Variants in GSK3B observed in about 807,000 individuals in gnomAD.
GSK3B encodes the protein glycogen synthase kinase 3 beta, also known as glycogen synthase kinase-3 beta.
Under a neutral mutation model 56.4 loss-of-function variants are expected in GSK3B, and 15 were observed. The ratio of observed to expected loss-of-function variants is 0.27; its 90% confidence interval spans 0.18 to 0.41. GSK3B has a LOEUF of 0.41. GSK3B is among the 10% of genes least tolerant of loss of function. The probability of loss-of-function intolerance (pLI) is 1.00; values close to 1 mark genes in which losing one functional copy is unlikely to be tolerated. For synonymous variants in GSK3B, 181 were observed against 188.9 expected, an observed-to-expected ratio of 0.96 and a Z score of 0.34; for missense variants, 300 against 513.4, an observed-to-expected ratio of 0.58 and a Z score of 4.02.
At chr3:120,047,883 C>T (rs1366185103) in intron 1 of GSK3B, among the ~76,000 whole-genome samples, 3 of 152,150 alleles carry the variant, frequency 2.0e-5, no homozygotes, top group Non-Finnish European at 2.9e-5. Flanking sequence ...GTTGTATTCA[C>T]TGAGCAGTAC....
At chr3:119,980,194 A>G (rs2057447003) in intron 2 of GSK3B, among the ~76,000 whole-genome samples, 1 of 152,216 alleles carries the variant, frequency 6.6e-6, no homozygotes, top group Admixed American at 6.5e-5. Flanking sequence ...TTACTGGTAC[A>G]CTAAAGTTAG....
chr3:119,955,739 C>T (rs549515438), intron 2 of GSK3B, among the ~76,000 whole-genome samples: 28 of 152,122 alleles, frequency 1.8e-4, no homozygotes, highest in South Asian at 4.2e-4. Context: ...CTGCAACCTC[C>T]GCCTCCTGGG....
rs137974547 is a variant in GSK3B at position 119,984,581 on chromosome 3, A to G, written c.282+17465T>C. 9.8e-5 allele frequency among the ~76,000 whole-genome samples: 15 copies of G among 152,338 alleles called. No individual in the cohort carries two copies. The East Asian group carries it at 2.7e-3, about 27-fold the overall frequency. On this transcript the variant is annotated intron_variant, in intron 2 of 10. Transcript: ENST00000264235. ...ACAAACTACCATCAGAGAATACTAT[A>G]AACACCTCTATGCAAATAAACTAGA...
intron 7 of GSK3B, among the ~76,000 whole-genome samples, chr3:119,895,236 T>C (rs1005463178): frequency 1.3e-5 from 2 of 152,178 alleles, no homozygotes; most frequent in Non-Finnish European, 2.9e-5. Flanking sequence ...TTCACCCATG[T>C]TGTCACAAAC....
At chr3:119,944,561 G>A (rs1220913436) in intron 3 of GSK3B, among the ~76,000 whole-genome samples, 2 of 151,994 alleles carry the variant, frequency 1.3e-5, no homozygotes, top group African/African-American at 2.4e-5. Context: ...TTGCCAAACC[G>A]CTGATTTTTC....
At chr3:120,029,515 G>C (rs2057957575) in intron 1 of GSK3B, 1 of 633,360 alleles carries the variant, frequency 1.6e-6, no homozygotes. Flanking sequence ...AGTTATGTGT[G>C]TAAAGTTGCC....
At chr3:119,940,912 T>C (rs751608910) in intron 3 of GSK3B, among the ~76,000 whole-genome samples, 5 of 152,166 alleles carry the variant, frequency 3.3e-5, no homozygotes, top group Non-Finnish European at 7.3e-5. Flanking sequence ...AATGAGTAAA[T>C]ATAAGTAATG....
At chr3:119,971,900 C>T (rs1485551883) in intron 2 of GSK3B, among the ~76,000 whole-genome samples, 1 of 151,948 alleles carries the variant, frequency 6.6e-6, no homozygotes, top group African/African-American at 2.4e-5. Flanking sequence ...CGTGAGCCAC[C>T]GCGCCCGGCC....
At chr3:119,908,880 A>C (rs1700447671) in intron 6 of GSK3B, among the ~76,000 whole-genome samples, 1 of 152,220 alleles carries the variant, frequency 6.6e-6, no homozygotes, top group South Asian at 2.1e-4. Context: ...AGAAATCAAA[A>C]TGTGCTTTGG....
At chr3:120,093,155 G>C (rs1405846845) in intron 1 of GSK3B, among the ~76,000 whole-genome samples, 192 bp downstream of exon 1, 1 of 152,150 alleles carries the variant, frequency 6.6e-6, no homozygotes, top group African/African-American at 2.4e-5. Flanking sequence ...CTCAATTCAA[G>C]GTTAATGAGA....
chr3:120,001,159 C>T (rs1432616245), intron 2 of GSK3B, among the ~76,000 whole-genome samples: 2 of 1,728 alleles, frequency 1.2e-3, no homozygotes, highest in Admixed American at 0.011. Flanking sequence ...GGGTCAACCA[C>T]TCATGAATGG....
At chr3:120,092,607 A>C (rs2058522534) in intron 1 of GSK3B, among the ~76,000 whole-genome samples, 1 of 152,262 alleles carries the variant, frequency 6.6e-6, no homozygotes, top group Non-Finnish European at 1.5e-5. Flanking sequence ...TTTTGATTAA[A>C]CATAAATTAT....
chr3:120,000,448 A>C (rs1411484173), intron 2 of GSK3B, among the ~76,000 whole-genome samples: 1 of 152,240 alleles, frequency 6.6e-6, no homozygotes, highest in Non-Finnish European at 1.5e-5. Flanking sequence ...AAAATTCTTT[A>C]GAATGTTCCA....
chr3:119,977,323 T>G (rs2057417425), intron 2 of GSK3B, among the ~76,000 whole-genome samples: 1 of 152,106 alleles, frequency 6.6e-6, no homozygotes, highest in South Asian at 2.1e-4. Context: ...TTATCAATGG[T>G]CCCAACTGCT....
At chr3:120,029,337 G>T in intron 1 of GSK3B, 1 of 743,582 alleles carries the variant, frequency 1.3e-6, no homozygotes, top group Non-Finnish European at 2.5e-6. Flanking sequence ...ATCTAATCCA[G>T]CCTCAAAAGC....
intron 3 of GSK3B, among the ~76,000 whole-genome samples, chr3:119,927,560 CA>C (rs1559840183): frequency 6.6e-6 from 1 of 152,104 alleles, no homozygotes. Flanking sequence ...ACACAGAAAG[CA>C]AAAACAGTAG....
In GSK3B at chr3:120,000,640, G is replaced by A. The variant is rs535624570; in HGVS notation, c.282+1406C>T. Among the ~76,000 whole-genome samples, 18 of 152,130 alleles carry A rather than the reference G, an allele frequency of 1.2e-4. No homozygotes were observed. The East Asian group carries it at 3.5e-3, about 29-fold the overall frequency. ...GGAGCAACGCTGCATAGTGACAGAGGCTTAATTACACCCGGTGTCTTCTGA... is the reference window on the plus strand; with the variant it reads ...GGAGCAACGCTGCATAGTGACAGAGACTTAATTACACCCGGTGTCTTCTGA... On this transcript the variant is annotated intron_variant, in intron 2 of 10. Transcript: ENST00000264235.
chr3:119,924,870 T>C (rs988513812), intron 3 of GSK3B, among the ~76,000 whole-genome samples: 1 of 152,192 alleles, frequency 6.6e-6, no homozygotes, highest in Non-Finnish European at 1.5e-5. Context: ...AGAGACTAGA[T>C]AGCCCACAAA....
At chr3:119,853,950 C>T (rs534389797) in intron 9 of GSK3B, among the ~76,000 whole-genome samples, 6 of 152,248 alleles carry the variant, frequency 3.9e-5, no homozygotes, top group East Asian at 1.9e-4. Context: ...GAACTTCCAA[C>T]GCTATGTTGA....
Sources: gnomAD v4.1 joint callset for allele counts (sites outside exome capture counted in the v4.1 genomes callset) on GRCh38, gnomAD v4.1.1 for gene constraint, MANE v1.5 for transcripts, NCBI Gene and HGNC (gene_info 2026-07-23, HGNC 2026-07-21) for gene names.